The following ZNF71 variants were observed in gnomAD, a reference collection of about 807,000 sequenced individuals.
ZNF71 encodes the protein zinc finger protein 71, also known as endothelial zinc finger protein induced by tumor necrosis factor alpha.
ZNF71 carries 3 observed loss-of-function variants against 6.7 expected under a neutral mutation model. That is an observed-to-expected ratio of 0.45 (90% CI 0.20 to 1.16). The LOEUF (loss-of-function observed/expected upper bound fraction) is 1.16, where lower values mean the gene tolerates loss of function less well. Ranked by LOEUF, ZNF71 falls within the 50% of genes most tolerant of loss-of-function variation. The pLI is 0.25. For synonymous variants in ZNF71, 343 were observed against 311.1 expected (o/e 1.10, Z -1.08); for missense variants, 688 against 728.6 (o/e 0.94, Z 0.64).
intron 3 of ZNF71, among the ~76,000 whole-genome samples, chr19:56,619,372 C>T (rs1331722943): frequency 2.0e-5 from 3 of 152,144 alleles, no homozygotes; most frequent in East Asian, 1.9e-4. Context: ...TCTGGGAATC[C>T]GACCTCCAGG....
At chr19:56,601,681 C>T (rs536960295) in intron 2 of ZNF71, 90 bp downstream of exon 2, 6 of 847,556 alleles carry the variant, frequency 7.1e-6, no homozygotes, top group East Asian at 1.2e-4. Flanking sequence ...CCAAGGCCCC[C>T]AGTCCCATCT....
At position 56,618,635 on chromosome 19, in the gene ZNF71, G is replaced by A. The variant is rs1406460315; in HGVS notation, c.161-2633G>A. Among the ~76,000 whole-genome samples, 1 of 152,120 alleles carries A rather than the reference G, an allele frequency of 6.6e-6. No individual in the cohort carries two copies. Among genetic ancestry groups the A allele is most frequent in the Non-Finnish European group, 1.5e-5 (1 of 68,014 alleles). The stretch of plus-strand genomic sequence containing the variant: ...ATTGGGAAGGCTCCCGTGGGGTTGT[G>A]GGGAAACAGGCCTGAAGGATAAGGA... On this transcript the variant is annotated intron_variant, in intron 3 of 3. Coordinates refer to ENST00000599599, the MANE Select transcript of ZNF71 (RefSeq NM_001370215.1). This position sits in a 1 kb window ranked among gnomAD's most constrained non-coding sequence, Gnocchi z 4.6.
chr19:56,622,839 A>G lies in ZNF71; in HGVS notation c.*82A>G, dbSNP rs2044875622. 1.3e-6 allele frequency: 2 copies of G among 1,514,756 alleles called. No homozygotes were observed. Among genetic ancestry groups the G allele is most frequent in the Non-Finnish European group, 1.8e-6 (2 of 1,128,842 alleles). 93.8% of individuals were successfully genotyped at this position (1,514,756 alleles called of 1,614,324 possible). A position where few individuals can be genotyped will look rare whatever the true frequency, so the allele number is the denominator to read the frequency against. On this transcript the variant is annotated 3_prime_UTR_variant, in exon 4 of 4. Transcript: ENST00000599599. ...GCGCTTTGTCAGCAGTGCTGTGAGA[A>G]GTTCTCCCCTGGGGTGGGGACTCGG... is the stretch of plus-strand genomic sequence containing the variant.
At chr19:56,602,988 C>T (rs1035599778) in intron 2 of ZNF71, among the ~76,000 whole-genome samples, 1 of 152,152 alleles carries the variant, frequency 6.6e-6, no homozygotes, top group Non-Finnish European at 1.5e-5. Flanking sequence ...TTTGAATCTA[C>T]CTGTAATTGA....
intron 2 of ZNF71, among the ~76,000 whole-genome samples, chr19:56,605,791 ACT>A (rs997308668): frequency 1.3e-5 from 2 of 152,198 alleles, no homozygotes; most frequent in African/African-American, 4.8e-5. Context: ...CAGCTGGGAC[ACT>A]CTGTGATATT....
chr19:56,607,135 A>T (rs919971265), intron 2 of ZNF71, among the ~76,000 whole-genome samples: 1 of 152,182 alleles, frequency 6.6e-6, no homozygotes, highest in African/African-American at 2.4e-5. Context: ...CCTAAACAGG[A>T]ATTCTAGATC....
intron 2 of ZNF71, among the ~76,000 whole-genome samples, chr19:56,605,835 G>A (rs1033604002): frequency 2.0e-5 from 3 of 152,216 alleles, no homozygotes; most frequent in East Asian, 1.9e-4. Flanking sequence ...GGCAAAAGAC[G>A]TGCCATCCAT....
In ZNF71 at chr19:56,622,769, C is replaced by T. The variant is rs757757496; in HGVS notation, c.*12C>T. 6.3e-7 allele frequency: 1 copy of T among 1,579,514 alleles called. No individual in the cohort carries two copies. Among genetic ancestry groups the T allele is most frequent in the South Asian group, 1.2e-5 (1 of 85,008 alleles). ...GGATTCACACCTGAGCGCCTCTGTG[C>T]AGGGCTCTCACTGGCGGTGCCCAGG... On this transcript the variant is annotated 3_prime_UTR_variant, in exon 4 of 4. Coordinates refer to ENST00000599599, the MANE Select transcript of ZNF71 (RefSeq NM_001370215.1).
At chr19:56,595,859 G>GTGTGTC (rs1555774532) in intron 1 of ZNF71, among the ~76,000 whole-genome samples, 1 of 148,198 alleles carries the variant, frequency 6.7e-6, no homozygotes, top group Non-Finnish European at 1.5e-5. Flanking sequence ...GTGTTTGTGT[G>GTGTGTC]TGTGTGTGTG....
At chr19:56,615,605 A>G (rs1383138348) in intron 3 of ZNF71, among the ~76,000 whole-genome samples, 1 of 146,194 alleles carries the variant, frequency 6.8e-6, no homozygotes, top group East Asian at 1.9e-4. Context: ...TTGAAAGTTC[A>G]CTATGTATTC....
At chr19:56,611,536 C>G (rs533240771) in intron 2 of ZNF71, among the ~76,000 whole-genome samples, 3 of 152,104 alleles carry the variant, frequency 2.0e-5, no homozygotes, top group South Asian at 2.1e-4. Context: ...ATCACGGGAT[C>G]GCAGAGTCAA....
At chr19:56,620,368 C>T (rs2044834380) in intron 3 of ZNF71, among the ~76,000 whole-genome samples, 3 of 152,104 alleles carry the variant, frequency 2.0e-5, no homozygotes, top group Admixed American at 6.5e-5. Flanking sequence ...GCCAAACACA[C>T]AGGAAGCCAG....
At chr19:56,611,643 T>C (rs2044752933) in intron 2 of ZNF71, among the ~76,000 whole-genome samples, 1 of 152,218 alleles carries the variant, frequency 6.6e-6, no homozygotes, top group South Asian at 2.1e-4. Context: ...TATTATAATG[T>C]TAGCACCTGA....
chr19:56,624,399 T>C lies in ZNF71; in HGVS notation c.*1642T>C, dbSNP rs1163296883. ...CCTCAGGCTGGCTTCCCACGTGGGA[T>C]TGTGGTGGTTTCCAGCAGCGAGTCT... On this transcript the variant is annotated 3_prime_UTR_variant, in exon 4 of 4. Transcript: ENST00000599599. 2 of 152,174 alleles carry C rather than the reference T, an allele frequency of 1.3e-5. No individual in the cohort carries two copies. The highest frequency in any genetic ancestry group is 1.3e-4 in the Admixed American group (2 of 15,282). 9.4% of individuals were successfully genotyped at this position (152,174 alleles called of 1,614,324 possible).
intron 1 of ZNF71, among the ~76,000 whole-genome samples, chr19:56,595,839 TTG>T (rs1212585855): frequency 9.2e-6 from 1 of 108,232 alleles, no homozygotes; most frequent in Non-Finnish European, 1.9e-5. Context: ...GATATTGTGA[TTG>T]TGTGTGTGTG....
intron 3 of ZNF71, 81 bp from the exon 4 acceptor site, chr19:56,621,187 G>C (rs1455837416): frequency 7.0e-7 from 1 of 1,425,376 alleles, no homozygotes; most frequent in African/African-American, 1.4e-5. Flanking sequence ...GGTTTCATTT[G>C]CTCCTTCCTG....
intron 3 of ZNF71, among the ~76,000 whole-genome samples, chr19:56,620,783 C>T (rs577850191): frequency 6.6e-6 from 1 of 152,280 alleles, no homozygotes; most frequent in South Asian, 2.1e-4. Flanking sequence ...TTGCCTCAGC[C>T]TCCCAAAGTG....
In ZNF71 at chr19:56,598,193, G is replaced by A. The variant is rs1242002702; in HGVS notation, c.-53+2765G>A. Among the ~76,000 whole-genome samples the A allele has an allele frequency of 1.3e-5, 2 of 152,094 alleles. No homozygotes were observed. The highest frequency in any genetic ancestry group is 2.9e-5 in the Non-Finnish European group (2 of 68,032). On this transcript the variant is annotated intron_variant, in intron 1 of 3. Coordinates refer to ENST00000599599, the MANE Select transcript of ZNF71 (RefSeq NM_001370215.1). This position sits in a 1 kb window ranked among gnomAD's most constrained non-coding sequence, Gnocchi z 4.2. ...TTGCTGCTTGAGGTCAGGTGATTGG[G>A]GGTAGAGGACTTCTCCAAGGAGGTG...
intron 1 of ZNF71, among the ~76,000 whole-genome samples, chr19:56,596,265 A>G (rs534890186): frequency 6.6e-6 from 1 of 151,504 alleles, no homozygotes; most frequent in Non-Finnish European, 1.5e-5. Context: ...GATCTTTCCT[A>G]TCTCTGTGTG....
Sources: allele counts gnomAD v4.1 joint callset (sites outside exome capture counted in the v4.1 genomes callset), GRCh38; gene constraint gnomAD v4.1.1; non-coding constraint Gnocchi (gnomAD v3.1); transcripts MANE v1.5; gene names NCBI Gene and HGNC (gene_info 2026-07-23, HGNC 2026-07-21).